Variants in RAB40C observed in about 807,000 individuals in gnomAD.
RAB40C encodes the protein ras-related protein Rab-40C.
In RAB40C, 8 loss-of-function variants were observed where a neutral mutation model predicts 28.1. The observed-to-expected ratio is 0.28, with a 90% CI of 0.17 to 0.51. The LOEUF (loss-of-function observed/expected upper bound fraction) is 0.51. RAB40C is among the 20% of genes least tolerant of loss of function. The pLI is 0.97. For synonymous variants in RAB40C, 201 were observed against 171.7 expected (o/e 1.17, Z -1.34); for missense variants, 288 against 405.9 (o/e 0.71, Z 2.50).
At chr16:594,659 A>G (rs1326503381) in intron 1 of RAB40C, among the ~76,000 whole-genome samples, 1 of 151,918 alleles carries the variant, frequency 6.6e-6, no homozygotes, top group Non-Finnish European at 1.5e-5. Context: ...CCCCAGGGCT[A>G]GCTGAGGGTT....
chr16:618,474 C>T (rs2036636721), intron 3 of RAB40C, among the ~76,000 whole-genome samples: 1 of 152,256 alleles, frequency 6.6e-6, no homozygotes, highest in Non-Finnish European at 1.5e-5. Flanking sequence ...ACTGCAGCCT[C>T]CCCCTCCCGG....
rs2036630132 is a variant in RAB40C, at chr16:618,220, G to A, written c.224G>A (p.Arg75Gln). The A allele has an allele frequency of 6.2e-7, 1 of 1,613,536 alleles. No individual in the cohort carries two copies. The highest frequency in any genetic ancestry group is 8.5e-7 in the Non-Finnish European group (1 of 1,179,854). The change falls in exon 3 of 6, where the codon CGG (arginine) becomes CAG (glutamine). Residue 75 changes from arginine (R) to glutamine (Q), a missense_variant. Physicochemically the swap from Arg to Gln is conservative, Grantham distance 43 (BLOSUM62 1). Transcript: ENST00000248139. ...LELWDTSGQG[R>Q]FCTIFRSYSR... ...TTCAGGGACACGTCGGGCCAGGGCC[G>A]GTTCTGCACCATCTTCAGGTCCTAC...
At position 617,212 on chromosome 16, in the gene RAB40C, C is replaced by T. The variant is rs142098590; in HGVS notation, c.147C>T (p.Ile49=). ...AESPYAYSNG[I]DYKTTTILLD... ...GCGCCCTGTGCTTCCTCGCAGGGAT[C>T]GACTACAAGACCACCACCATCCTGC... The change falls in exon 2 of 6, where the codon ATC becomes ATT. Residue 49 remains isoleucine, a synonymous_variant. Transcript: ENST00000248139. 1,114 of 1,613,822 alleles carry T rather than the reference C, an allele frequency of 6.9e-4. 4 individuals carry two copies. In the African/African-American group the frequency reaches 0.012, roughly 18 times the overall value.
intron 1 of RAB40C, 185 bp from the exon 2 acceptor site, chr16:617,023 G>A: frequency 1.6e-6 from 1 of 635,736 alleles, no homozygotes; most frequent in Non-Finnish European, 2.8e-6. Context: ...GTGCAGAAGT[G>A]GGCAGGCCTG....
chr16:594,818 CTTT>C (rs1006905623), intron 1 of RAB40C, among the ~76,000 whole-genome samples: 11 of 130,286 alleles, frequency 8.4e-5, no homozygotes, highest in Admixed American at 7.7e-5. Flanking sequence ...GCTCGTCTTC[CTTT>C]TTTTTTTTTT....
chr16:622,005 C>T (rs1321986045), intron 3 of RAB40C, among the ~76,000 whole-genome samples: 2 of 152,098 alleles, frequency 1.3e-5, no homozygotes, highest in Non-Finnish European at 2.9e-5. Flanking sequence ...TGCAGGGATG[C>T]AGGAGGAGGG....
chr16:598,453 T>TG (rs1331470363), intron 1 of RAB40C, among the ~76,000 whole-genome samples: 1 of 148,002 alleles, frequency 6.8e-6, no homozygotes, highest in Non-Finnish European at 1.5e-5. Context: ...CCCAACTACT[T>TG]GGGAGGCTGA....
chr16:597,375 A>C (rs926952354), intron 1 of RAB40C, among the ~76,000 whole-genome samples: 4 of 152,072 alleles, frequency 2.6e-5, no homozygotes, highest in African/African-American at 9.7e-5. Context: ...CCAAACTGGG[A>C]AGGATTCGAA....
intron 1 of RAB40C, among the ~76,000 whole-genome samples, chr16:615,405 C>T (rs533988063): frequency 1.1e-4 from 16 of 152,254 alleles, no homozygotes; most frequent in South Asian, 1.0e-3. Flanking sequence ...AGGTGCACTC[C>T]GTGGGAGGGC....
chr16:615,220 T>C (rs1456774193), intron 1 of RAB40C, among the ~76,000 whole-genome samples: 1 of 152,164 alleles, frequency 6.6e-6, no homozygotes, highest in Admixed American at 6.5e-5. Flanking sequence ...CTTCGATGCA[T>C]GAGAACAGCC....
At chr16:604,382 G>A (rs983475013) in intron 1 of RAB40C, among the ~76,000 whole-genome samples, 10 of 152,226 alleles carry the variant, frequency 6.6e-5, no homozygotes, top group Middle Eastern at 3.4e-3. Context: ...TAGAATACAC[G>A]TGAATCCTTC....
At chr16:625,346 C>G (rs1259756014) in intron 3 of RAB40C, 86 bp from the exon 4 acceptor site, 1 of 1,554,636 alleles carries the variant, frequency 6.4e-7, no homozygotes, top group Non-Finnish European at 8.8e-7. Context: ...TGCCCGGGAA[C>G]TGAGGCCCCT....
intron 1 of RAB40C, among the ~76,000 whole-genome samples, chr16:607,456 T>A (rs2036383414): frequency 6.8e-6 from 1 of 147,126 alleles, no homozygotes; most frequent in Admixed American, 6.8e-5. Flanking sequence ...TGAGCTGATA[T>A]TGCGCCACCA....
In RAB40C at chr16:626,116, A is replaced by G; in HGVS notation, c.560A>G (p.Asn187Ser). Residue 187 changes from asparagine to serine, a missense_variant, in exon 5 of 6, where the codon AAC becomes AGC. Physicochemically the swap from Asn to Ser is conservative, Grantham distance 46 (BLOSUM62 1). Around this residue, in one of 3 missense-constraint regions of RAB40C, gnomAD observed 153 missense variants for 262.4 expected, o/e 0.58. Transcript: ENST00000248139. ...RHGMEKIWRP[N>S]RVFSLQDLCC... The stretch of plus-strand genomic sequence containing the variant: ...GGCATGGAGAAGATCTGGAGGCCCA[A>G]CCGAGGTGGGTGGGCGGGCGCCGGC... 6.2e-7 allele frequency: 1 copy of G among 1,611,990 alleles called. No homozygotes were observed. Among genetic ancestry groups the G allele is most frequent in the South Asian group, 1.1e-5 (1 of 91,064 alleles).
chr16:607,358 T>C (rs986289617), intron 1 of RAB40C, among the ~76,000 whole-genome samples: 5 of 151,124 alleles, frequency 3.3e-5, no homozygotes, highest in African/African-American at 1.2e-4. Flanking sequence ...AAAAAATTAG[T>C]TGGGCATGGT....
Position 628,683 on chromosome 16 carries a change from CCT to C in RAB40C, c.*1067_*1068del, listed in dbSNP as rs1215135736. The C allele has an allele frequency of 6.5e-6, 1 of 152,764 alleles. No homozygotes were observed. Among genetic ancestry groups the C allele is most frequent in the Non-Finnish European group, 1.5e-5 (1 of 68,246 alleles). 9.5% of individuals were successfully genotyped at this position (152,764 alleles called of 1,614,324 possible). ...AGCCCCAGGCACGCAGGGCCGGCCA[CCT>C]CTCTCCTGAAGCCATTGGCCGCTCC... On this transcript the variant is annotated 3_prime_UTR_variant, in exon 6 of 6. Coordinates refer to ENST00000248139, the MANE Select transcript of RAB40C (RefSeq NM_021168.5).
chr16:625,994 G>A lies in RAB40C; in HGVS notation c.438G>A (p.Glu146=), dbSNP rs2036821918. 6.2e-7 allele frequency: 1 copy of A among 1,613,322 alleles called. No homozygotes were observed. The highest frequency in any genetic ancestry group is 8.5e-7 in the Non-Finnish European group (1 of 1,180,008). The change falls in exon 5 of 6, where the codon GAG becomes GAA. Residue 146 remains glutamate (E), a synonymous_variant. Coordinates refer to ENST00000248139, the MANE Select transcript of RAB40C (RefSeq NM_021168.5). ...VPTEQARAYA[E]KNCMTFFEVS... ...CGGAGCAGGCCCGCGCGTACGCAGA[G>A]AAGAACTGCATGACCTTCTTTGAGG...
intron 3 of RAB40C, among the ~76,000 whole-genome samples, chr16:619,114 G>C (rs1170191753): frequency 2.2e-4 from 32 of 144,338 alleles, no homozygotes; most frequent in African/African-American, 7.4e-4. Context: ...GTCTGGCGGG[G>C]GCACTGGGGC....
chr16:607,552 G>T lies in RAB40C; in HGVS notation c.143-9656G>T, dbSNP rs12922012. Among the ~76,000 whole-genome samples the T allele has an allele frequency of 3.1e-3, 461 of 150,188 alleles. 1 individual carries two copies. Among genetic ancestry groups the T allele is most frequent in the Non-Finnish European group, 5.4e-3 (362 of 67,638 alleles). On this transcript the variant is annotated intron_variant, in intron 1 of 5. Coordinates refer to ENST00000248139, the MANE Select transcript of RAB40C (RefSeq NM_021168.5). Reference sequence around the variant, plus strand: ...GGCGCGGTGGCTCACGCCTGTAATCGCAGCACTTTGGGAGGCCTAGGCGGG... The same window carrying T: ...GGCGCGGTGGCTCACGCCTGTAATCTCAGCACTTTGGGAGGCCTAGGCGGG...
Sources: gnomAD v4.1 joint callset for allele counts (sites outside exome capture counted in the v4.1 genomes callset) on GRCh38, gnomAD v4.1.1 for gene constraint, gnomAD v4.1.1 regional missense constraint, MANE v1.5 for transcripts, NCBI Gene and HGNC (gene_info 2026-07-23, HGNC 2026-07-21) for gene names.